Variants in NUP188 observed in about 807,000 individuals in gnomAD.
The protein encoded by NUP188 is nucleoporin 188.
NUP188 carries 97 observed loss-of-function variants against 223.0 expected under a neutral mutation model. That is an observed-to-expected ratio of 0.43 (90% CI 0.37 to 0.51). NUP188 has a LOEUF of 0.51. Among genes scored for constraint, NUP188 ranks in the 20% least tolerant of loss-of-function variants. The pLI is 0.00. For missense variants in NUP188, 1,947 were observed against 2,175.6 expected (o/e 0.89, Z 2.09); for synonymous variants, 869 against 828.0 (o/e 1.05, Z -0.85).
intron 32 of NUP188, 48 bp from the exon 33 acceptor site, chr9:128,999,124 A>G (rs766880978): frequency 1.3e-6 from 2 of 1,570,922 alleles, no homozygotes; most frequent in Non-Finnish European, 8.7e-7. Context: ...AAGTGCTAGG[A>G]TTACAGGCAT....
intron 30 of NUP188, among the ~76,000 whole-genome samples, 176 bp downstream of exon 30, chr9:128,995,690 G>A (rs777755196): frequency 1.5e-4 from 23 of 152,058 alleles, no homozygotes; most frequent in Non-Finnish European, 3.1e-4. Flanking sequence ...GAGGGTGTTG[G>A]GTCCAGGAGA....
intron 38 of NUP188, chr9:129,003,874 G>A (rs959644176): frequency 1.6e-4 from 49 of 301,802 alleles, no homozygotes; most frequent in Middle Eastern, 1.1e-3. Flanking sequence ...TCGGGAGGCT[G>A]AGTTGGGAGA....
chr9:128,991,298 G>T lies in NUP188; in HGVS notation c.2640+1072G>T, dbSNP rs530413371. On this transcript the variant is annotated intron_variant, in intron 25 of 43. Transcript: ENST00000372577. ...CTCACACCTGTAATCCCAGTACTTT[G>T]GGAGGCTGAAGCAGGTGGATCATGA... 2.9e-4 allele frequency among the ~76,000 whole-genome samples: 44 copies of T among 151,670 alleles called. 1 individual carries two copies. The South Asian group carries it at 8.3e-3, about 29-fold the overall frequency.
intron 22 of NUP188, 53 bp downstream of exon 22, chr9:128,986,928 C>T: frequency 6.5e-7 from 1 of 1,529,748 alleles, no homozygotes; most frequent in Non-Finnish European, 9.0e-7. Flanking sequence ...AAGACACGGG[C>T]TTTTGCTGTG....
At chr9:129,003,594 T>C (rs528024115) in intron 38 of NUP188, 140 bp downstream of exon 38, 2 of 975,876 alleles carry the variant, frequency 2.0e-6, no homozygotes, top group Non-Finnish European at 3.2e-6. Flanking sequence ...CAGGGTTTGC[T>C]GTCATGTGCT....
In NUP188 at chr9:129,006,608, A is replaced by G. The variant is rs2131206891; in HGVS notation, c.5180A>G (p.Lys1727Arg). 2.5e-6 allele frequency: 4 copies of G among 1,614,078 alleles called. No homozygotes were observed. The East Asian group carries it at 8.9e-5, about 36-fold the overall frequency. The change falls in exon 44 of 44, where the codon AAA becomes AGA. Residue 1727 changes from lysine (K) to arginine (R), a missense_variant. Physicochemically the swap from Lys to Arg is conservative, Grantham distance 26. This residue lies in a region of NUP188 where 905 missense variants were observed against 990.6 expected (regional missense o/e 0.91). Coordinates refer to ENST00000372577, the MANE Select transcript of NUP188 (RefSeq NM_015354.3). ...SPQGKSTSLS[K>R]ASPESQEPLI... ...CAGGGCAAGTCCACCTCTCTCTCCAAAGCCAGCCCTGAGAGTCAGGAGCCT... is the reference window on the plus strand; with the variant it reads ...CAGGGCAAGTCCACCTCTCTCTCCAGAGCCAGCCCTGAGAGTCAGGAGCCT...
chr9:128,981,319 C>T lies in NUP188; in HGVS notation c.1445C>T (p.Pro482Leu), dbSNP rs760208754. ...SFYNELYKHK[P>L]HDVISHEDGT... is the part of the protein sequence containing the mutation. ...TACAATGAACTTTATAAACACAAGC[C>T]TCATGATGTGATCTCCCATGAAGAT... Residue 482 changes from proline to leucine, a missense_variant, in exon 15 of 44, where the codon CCT becomes CTT. Coordinates refer to ENST00000372577, the MANE Select transcript of NUP188 (RefSeq NM_015354.3). 6.2e-7 allele frequency: 1 copy of T among 1,613,788 alleles called. No homozygotes were observed. Among genetic ancestry groups the T allele is most frequent in the South Asian group, 1.1e-5 (1 of 91,064 alleles).
chr9:128,964,248 C>T (rs745412086), intron 8 of NUP188: 1 of 372,592 alleles, frequency 2.7e-6, no homozygotes, highest in South Asian at 2.2e-5. Flanking sequence ...GGATGTTTGT[C>T]TTATCAAATT....
intron 4 of NUP188, 56 bp from the exon 5 acceptor site, chr9:128,956,896 C>T (rs1314228552): frequency 8.2e-7 from 1 of 1,213,006 alleles, no homozygotes; most frequent in Non-Finnish European, 1.2e-6. Flanking sequence ...TTTAAATTCT[C>T]TGCATCCTGT....
intron 15 of NUP188, among the ~76,000 whole-genome samples, chr9:128,981,605 C>T (rs182404307): frequency 3.3e-4 from 50 of 152,192 alleles, no homozygotes; most frequent in African/African-American, 1.2e-3. Context: ...CACATCTGTA[C>T]CAGGTGCTCA....
intron 13 of NUP188, among the ~76,000 whole-genome samples, chr9:128,979,917 C>T (rs1244082336): frequency 6.6e-6 from 1 of 152,110 alleles, no homozygotes; most frequent in Non-Finnish European, 1.5e-5. Flanking sequence ...CAGGCGTGAG[C>T]CACTGAGCCC....
intron 8 of NUP188, among the ~76,000 whole-genome samples, chr9:128,963,066 CTTA>C (rs1480778132): frequency 2.0e-5 from 3 of 152,028 alleles, no homozygotes; most frequent in Non-Finnish European, 1.5e-5. Flanking sequence ...GTACTTCATT[CTTA>C]TTTATGGTTG....
chr9:128,974,382 G>A (rs967164300), intron 12 of NUP188, among the ~76,000 whole-genome samples: 1 of 148,552 alleles, frequency 6.7e-6, no homozygotes, highest in African/African-American at 2.5e-5. Flanking sequence ...TTCTGCAGCA[G>A]GTTGTTGTTT....
intron 2 of NUP188, among the ~76,000 whole-genome samples, chr9:128,949,471 T>TA (rs1841746188): frequency 6.6e-6 from 1 of 151,762 alleles, no homozygotes; most frequent in Non-Finnish European, 1.5e-5. Flanking sequence ...TAGCTGGGAT[T>TA]ACAGGCATGC....
At chr9:128,989,969 G>T (rs1219150831) in intron 24 of NUP188, 151 bp from the exon 25 acceptor site, 6 of 662,440 alleles carry the variant, frequency 9.1e-6, no homozygotes, top group Admixed American at 8.8e-5. Flanking sequence ...ATCAAGAGAA[G>T]GATACAGCCA....
chr9:129,005,755 G>A lies in NUP188; in HGVS notation c.4848G>A (p.Val1616=). ...GGACCCTTCTGGCCACAGTGAATGT[G>A]GCCCTCAACATGCTTGGAGAGGTAA... is the stretch of plus-strand genomic sequence containing the variant. ...SFGTLLATVN[V]ALNMLGELDK... Residue 1616 remains valine (V), a synonymous_variant, in exon 41 of 44, where the codon GTG becomes GTA. Coordinates refer to ENST00000372577, the MANE Select transcript of NUP188 (RefSeq NM_015354.3). The A allele has an allele frequency of 6.2e-7, 1 of 1,613,314 alleles. No homozygotes were observed. The highest frequency in any genetic ancestry group is 8.5e-7 in the Non-Finnish European group (1 of 1,179,650).
chr9:128,947,813 G>C, intron 1 of NUP188, 62 bp downstream of exon 1: 1 of 1,324,398 alleles, frequency 7.6e-7, no homozygotes, highest in Non-Finnish European at 9.7e-7. Flanking sequence ...CCGAGCGGAA[G>C]CGGGGCGGGA....
chr9:129,005,245 C>G, intron 39 of NUP188, 24 bp downstream of exon 39: 1 of 1,611,258 alleles, frequency 6.2e-7, no homozygotes, highest in Non-Finnish European at 8.5e-7. Context: ...GCCATGAGGT[C>G]CTGGAATACC....
At position 128,981,335 on chromosome 9, in the gene NUP188, C is replaced by T; in HGVS notation, c.1461C>T (p.Ser487=). Residue 487 remains serine, a synonymous_variant, in exon 15 of 44, where the codon TCC becomes TCT. Coordinates refer to ENST00000372577, the MANE Select transcript of NUP188 (RefSeq NM_015354.3). Reference sequence around the variant, plus strand: ...AACACAAGCCTCATGATGTGATCTCCCATGAAGATGGAACTCTTTGGCGGA... The same window carrying T: ...AACACAAGCCTCATGATGTGATCTCTCATGAAGATGGAACTCTTTGGCGGA... ...LYKHKPHDVI[S]HEDGTLWRRQ... is the part of the protein sequence containing the mutation. 6.2e-7 allele frequency: 1 copy of T among 1,613,876 alleles called. No homozygotes were observed. The highest frequency in any genetic ancestry group is 8.5e-7 in the Non-Finnish European group (1 of 1,179,818).
Sources: gnomAD v4.1 joint callset for allele counts (sites outside exome capture counted in the v4.1 genomes callset) on GRCh38, gnomAD v4.1.1 for gene constraint, gnomAD v4.1.1 regional missense constraint, MANE v1.5 for transcripts, NCBI Gene and HGNC (gene_info 2026-07-23, HGNC 2026-07-21) for gene names.